The following RALGAPA2 variants were observed in gnomAD, a reference collection of about 807,000 sequenced individuals.
RALGAPA2 encodes ral GTPase-activating protein subunit alpha-2.
RALGAPA2 carries 139 observed loss-of-function variants against 230.4 expected under a neutral mutation model. The observed-to-expected ratio is 0.60, with a 90% CI of 0.53 to 0.69. RALGAPA2 has a LOEUF of 0.69. Among genes scored for constraint, RALGAPA2 ranks in the 30% least tolerant of loss-of-function variants. RALGAPA2 has a pLI of 0.00. For synonymous variants in RALGAPA2, 847 were observed against 837.8 expected, an observed-to-expected ratio of 1.01 and a Z score of -0.19; for missense variants, 2,163 against 2,276.0, an observed-to-expected ratio of 0.95 and a Z score of 1.01.
chr20:20,630,179 C>T (rs994313920), intron 9 of RALGAPA2, among the ~76,000 whole-genome samples: 4 of 152,208 alleles, frequency 2.6e-5, no homozygotes, highest in African/African-American at 9.7e-5. Context: ...AGACTTTAGG[C>T]ATCCAAAGAA....
chr20:20,512,552 A>G lies in RALGAPA2; in HGVS notation c.4817T>C (p.Leu1606Ser). ...ATTCATTCCCAAGTCATCAAGCAAT[A>G]ACCTGCAGAAATAAAAGGGTCCTCG... ...EPRGPFYFCR[L>S]LLDDLGMNSW... The change falls in exon 32 of 40, where the codon TTA becomes TCA. Residue 1606 changes from leucine (L) to serine (S), a missense_variant. Physicochemically the swap from Leu to Ser is moderately radical, Grantham distance 145. Coordinates refer to ENST00000202677, the MANE Select transcript of RALGAPA2 (RefSeq NM_020343.4). 1 of 1,612,322 alleles carries G rather than the reference A, an allele frequency of 6.2e-7. No homozygotes were observed. Among genetic ancestry groups the G allele is most frequent in the East Asian group, 2.2e-5 (1 of 44,854 alleles).
chr20:20,534,317 C>T (rs188121398), intron 26 of RALGAPA2, among the ~76,000 whole-genome samples: 2,154 of 151,822 alleles, frequency 0.014, 25 homozygotes, highest in Non-Finnish European at 0.022. Context: ...TGGTGGCAGG[C>T]GCCTGTAGTC....
At chr20:20,684,729 C>T (rs977734425) in intron 1 of RALGAPA2, among the ~76,000 whole-genome samples, 10 of 152,168 alleles carry the variant, frequency 6.6e-5, no homozygotes, top group Admixed American at 5.9e-4. Flanking sequence ...TGAAATCATC[C>T]CTTTATTAAT....
chr20:20,401,062 G>A (rs1382354330), intron 38 of RALGAPA2, among the ~76,000 whole-genome samples: 3 of 152,190 alleles, frequency 2.0e-5, no homozygotes, highest in Admixed American at 2.0e-4. Flanking sequence ...TCAGCAGGCT[G>A]TTTAAAAGGG....
chr20:20,676,100 TG>T, intron 3 of RALGAPA2, 135 bp downstream of exon 3: 1 of 566,850 alleles, frequency 1.8e-6, no homozygotes, highest in Non-Finnish European at 3.1e-6. Flanking sequence ...AGTGGGAGGG[TG>T]GGAGGAAGGA....
chr20:20,435,766 A>G (rs1039739755), intron 37 of RALGAPA2, among the ~76,000 whole-genome samples: 5 of 152,188 alleles, frequency 3.3e-5, no homozygotes, highest in Non-Finnish European at 5.9e-5. Context: ...CACGAAGGGA[A>G]CGAGGGACCC....
chr20:20,636,949 T>C (rs992468965), intron 8 of RALGAPA2, among the ~76,000 whole-genome samples: 8 of 152,106 alleles, frequency 5.3e-5, no homozygotes, highest in African/African-American at 1.7e-4. Context: ...GGACCCAGCA[T>C]AAAATAAAAG....
At chr20:20,705,881 C>A (rs1489926309) in intron 1 of RALGAPA2, among the ~76,000 whole-genome samples, 2 of 152,200 alleles carry the variant, frequency 1.3e-5, no homozygotes, top group Non-Finnish European at 2.9e-5. Flanking sequence ...GTTGGCCAGG[C>A]TGGCCTTCAA....
chr20:20,495,059 CAAT>C, intron 36 of RALGAPA2, 55 bp downstream of exon 36: 1 of 1,409,246 alleles, frequency 7.1e-7, no homozygotes, highest in Non-Finnish European at 9.6e-7. Flanking sequence ...TTTTCAATGA[CAAT>C]GAATCACATG....
At chr20:20,431,555 A>G (rs542152837) in intron 37 of RALGAPA2, among the ~76,000 whole-genome samples, 2 of 152,352 alleles carry the variant, frequency 1.3e-5, no homozygotes, top group East Asian at 3.9e-4. Flanking sequence ...AAAATGTATG[A>G]CACAATTTGC....
At chr20:20,480,370 C>G (rs1035653619) in intron 36 of RALGAPA2, among the ~76,000 whole-genome samples, 1 of 152,196 alleles carries the variant, frequency 6.6e-6, no homozygotes, top group African/African-American at 2.4e-5. Flanking sequence ...AGCCTCCTGC[C>G]TGTTTGATGA....
At chr20:20,591,684 C>CCACACACACACACA (rs148734336) in intron 16 of RALGAPA2, among the ~76,000 whole-genome samples, 3 of 147,592 alleles carry the variant, frequency 2.0e-5, no homozygotes, top group African/African-American at 7.4e-5. Context: ...GAACAGAAAA[C>CCACACACACACACA]CACACACACA....
chr20:20,699,512 C>T (rs1409670449), intron 1 of RALGAPA2, among the ~76,000 whole-genome samples: 1 of 152,146 alleles, frequency 6.6e-6, no homozygotes, highest in Non-Finnish European at 1.5e-5. Flanking sequence ...AAATAAAACA[C>T]GGTAATCCCT....
At position 20,389,999 on chromosome 20, in the gene RALGAPA2, C is replaced by A. The variant is rs1178371103; in HGVS notation, c.*3290G>T. On this transcript the variant is annotated 3_prime_UTR_variant, in exon 40 of 40. Coordinates refer to ENST00000202677, the MANE Select transcript of RALGAPA2 (RefSeq NM_020343.4). ...TGTCATATGGACAGACTGAGTGCAA[C>A]TAAAACGATGGTTGTTTCATGTTGA... is the stretch of plus-strand genomic sequence containing the variant. 1 of 152,144 alleles carries A rather than the reference C, an allele frequency of 6.6e-6. No individual in the cohort carries two copies. Among genetic ancestry groups the A allele is most frequent in the African/African-American group, 2.4e-5 (1 of 41,418 alleles). 9.4% of individuals were successfully genotyped at this position (152,144 alleles called of 1,614,324 possible).
chr20:20,502,127 T>C (rs944613480), intron 35 of RALGAPA2, among the ~76,000 whole-genome samples: 17 of 152,224 alleles, frequency 1.1e-4, no homozygotes, highest in Non-Finnish European at 2.5e-4. Flanking sequence ...AGAAAAATGG[T>C]GCCAATAGAC....
Position 20,404,969 on chromosome 20 carries a change from C to T in RALGAPA2, c.5617+7058G>A, listed in dbSNP as rs139648907. Reference sequence around the variant, plus strand: ...CCAGGGTTGTCAGGAGTGTCACTGTCCCCGCAGTGGCTCTGAAACATGTGG... The same window carrying T: ...CCAGGGTTGTCAGGAGTGTCACTGTTCCCGCAGTGGCTCTGAAACATGTGG... On this transcript the variant is annotated intron_variant, in intron 38 of 39. Coordinates refer to ENST00000202677, the MANE Select transcript of RALGAPA2 (RefSeq NM_020343.4). Among the ~76,000 whole-genome samples, 1,371 of 152,308 alleles carry T rather than the reference C, an allele frequency of 9.0e-3. 23 individuals carry two copies. The highest frequency in any genetic ancestry group is 0.031 in the African/African-American group (1,289 of 41,562).
At chr20:20,468,752 C>T (rs1448172756) in intron 37 of RALGAPA2, among the ~76,000 whole-genome samples, 1 of 151,990 alleles carries the variant, frequency 6.6e-6, no homozygotes, top group Non-Finnish European at 1.5e-5. Flanking sequence ...CTCATACCAC[C>T]AAGAGACCAC....
chr20:20,617,967 C>T (rs1331744511), intron 12 of RALGAPA2, among the ~76,000 whole-genome samples: 5 of 152,028 alleles, frequency 3.3e-5, no homozygotes, highest in Non-Finnish European at 5.9e-5. Context: ...ACAGTAAGTC[C>T]TCATTTAACG....
At chr20:20,653,702 A>G in intron 3 of RALGAPA2, 115 bp from the exon 4 acceptor site, 1 of 593,644 alleles carries the variant, frequency 1.7e-6, no homozygotes. Context: ...AACTATGTAC[A>G]ATAACATAAA....
Sources: gnomAD v4.1 joint callset for allele counts (sites outside exome capture counted in the v4.1 genomes callset) on GRCh38, gnomAD v4.1.1 for gene constraint, MANE v1.5 for transcripts, NCBI Gene and HGNC (gene_info 2026-07-23, HGNC 2026-07-21) for gene names.